The following CSMD1 variants were observed in gnomAD, a reference collection of about 807,000 sequenced individuals.
CSMD1 encodes the protein CUB and sushi domain-containing protein 1.
In CSMD1, 213 loss-of-function variants were observed where a neutral mutation model predicts 417.5. The observed-to-expected ratio is 0.51, with a 90% CI of 0.46 to 0.57. The LOEUF (loss-of-function observed/expected upper bound fraction) is 0.57. CSMD1 is among the 20% of genes least tolerant of loss of function. CSMD1 has a pLI of 0.00. For missense variants in CSMD1, 6,923 were observed against 4,529.7 expected (o/e 1.53, Z -15.17); for synonymous variants, 2,862 against 1,736.8 (o/e 1.65, Z -16.11).
At chr8:4,795,569 T>A (rs1797934214) in intron 1 of CSMD1, among the ~76,000 whole-genome samples, 1 of 152,088 alleles carries the variant, frequency 6.6e-6, no homozygotes. Flanking sequence ...GCCAGCTTTC[T>A]TAAGCTTTTT....
Position 4,679,905 on chromosome 8 carries a change from A to C in CSMD1, c.86-42347T>G, listed in dbSNP as rs1311955580. 4.6e-5 allele frequency among the ~76,000 whole-genome samples: 7 copies of C among 152,214 alleles called. No homozygotes were observed. The South Asian group carries it at 1.2e-3, about 27-fold the overall frequency. ...TAGAAATGCTCATTTAATTTTAAAA[A>C]TAGATTGCTGTTTCCCAAATTAATT... On this transcript the variant is annotated intron_variant, in intron 1 of 69. Coordinates refer to ENST00000635120, the MANE Select transcript of CSMD1 (RefSeq NM_033225.6).
chr8:4,294,136 C>G (rs1327561395), intron 3 of CSMD1, among the ~76,000 whole-genome samples: 5 of 152,298 alleles, frequency 3.3e-5, no homozygotes, highest in African/African-American at 9.6e-5. Context: ...ACACTGACGT[C>G]TGATTAACCC....
In CSMD1 at chr8:2,974,474, C is replaced by A; in HGVS notation, c.8717G>T (p.Ser2906Ile). Residue 2906 changes from serine to isoleucine, a missense_variant, in exon 56 of 70, where the codon AGC becomes ATC. Physicochemically the swap from Ser to Ile is moderately radical, Grantham distance 142. Transcript: ENST00000635120. ...ACCTGTGCAGTGGGGCAGTGCCCCG[C>A]TCCAGTGACTGTCTTCCTGGCACAC... ...TRVCQEDSHW[S>I]GALPHCTGNN... 1.9e-6 allele frequency: 3 copies of A among 1,611,390 alleles called. No homozygotes were observed. The highest frequency in any genetic ancestry group is 2.5e-6 in the Non-Finnish European group (3 of 1,178,022).
At chr8:3,555,277 T>G (rs889998852) in intron 10 of CSMD1, among the ~76,000 whole-genome samples, 1 of 152,034 alleles carries the variant, frequency 6.6e-6, no homozygotes, top group African/African-American at 2.4e-5. Flanking sequence ...GCCAATGGGA[T>G]GATTTAGGCA....
chr8:3,838,276 C>A (rs937348507), intron 5 of CSMD1, among the ~76,000 whole-genome samples: 4 of 151,968 alleles, frequency 2.6e-5, no homozygotes, highest in Non-Finnish European at 4.4e-5. Context: ...TGGCTCACAC[C>A]TGTAACCCCC....
At chr8:4,905,475 A>C (rs1487288418) in intron 1 of CSMD1, among the ~76,000 whole-genome samples, 1 of 152,154 alleles carries the variant, frequency 6.6e-6, no homozygotes, top group African/African-American at 2.4e-5. Context: ...GCATTCTAAA[A>C]CAGGACACAC....
intron 51 of CSMD1, among the ~76,000 whole-genome samples, chr8:3,021,262 T>C (rs927972088): frequency 1.3e-5 from 2 of 152,192 alleles, no homozygotes; most frequent in African/African-American, 4.8e-5. Context: ...TTTACTCAAT[T>C]GTAAAGAAGA....
At chr8:4,795,816 T>C (rs1797953472) in intron 1 of CSMD1, among the ~76,000 whole-genome samples, 1 of 152,138 alleles carries the variant, frequency 6.6e-6, no homozygotes, top group Non-Finnish European at 1.5e-5. Flanking sequence ...CTAAGTACTG[T>C]ACTGAGGCAG....
At chr8:3,087,618 A>G (rs1389106771) in intron 48 of CSMD1, among the ~76,000 whole-genome samples, 1 of 152,228 alleles carries the variant, frequency 6.6e-6, no homozygotes, top group East Asian at 1.9e-4. Flanking sequence ...CATAAAACAC[A>G]CTAACACTAA....
chr8:3,573,144 G>C (rs1030784662), intron 10 of CSMD1, among the ~76,000 whole-genome samples: 2 of 151,938 alleles, frequency 1.3e-5, no homozygotes, highest in South Asian at 2.1e-4. Context: ...ACCAGTATTA[G>C]CAGCTTATAA....
chr8:4,437,807 G>C (rs1798232122), intron 2 of CSMD1, among the ~76,000 whole-genome samples: 1 of 152,172 alleles, frequency 6.6e-6, no homozygotes, highest in African/African-American at 2.4e-5. Flanking sequence ...CATAGGCCGT[G>C]TTTGGTTGAT....
At chr8:3,461,614 C>A (rs1288659324) in intron 12 of CSMD1, among the ~76,000 whole-genome samples, 1 of 152,216 alleles carries the variant, frequency 6.6e-6, no homozygotes, top group African/African-American at 2.4e-5. Flanking sequence ...CCCCATGAAA[C>A]TGTAAGCTAT....
intron 26 of CSMD1, among the ~76,000 whole-genome samples, chr8:3,269,307 C>G (rs559376797): frequency 2.0e-5 from 3 of 152,176 alleles, no homozygotes; most frequent in Admixed American, 6.5e-5. Context: ...AGGAAGATGC[C>G]GAGAGCAGAG....
At chr8:3,973,828 T>C (rs6558831) in intron 5 of CSMD1, among the ~76,000 whole-genome samples, 49,989 of 152,016 alleles carry the variant, frequency 0.33, 9,017 homozygotes, top group African/African-American at 0.47. Flanking sequence ...ATGTGTTTAA[T>C]ATGTAGTTGC....
chr8:4,168,736 C>G (rs1208030148), intron 3 of CSMD1, among the ~76,000 whole-genome samples: 1 of 152,144 alleles, frequency 6.6e-6, no homozygotes, highest in Non-Finnish European at 1.5e-5. Context: ...TCTTAGACCT[C>G]ATTGGCTATT....
intron 1 of CSMD1, among the ~76,000 whole-genome samples, chr8:4,899,692 T>C (rs184128646): frequency 1.6e-4 from 25 of 152,310 alleles, no homozygotes; most frequent in Non-Finnish European, 2.9e-4. Context: ...CATTAAAATG[T>C]GTATAGTTAA....
chr8:4,010,705 C>T (rs1816476619), intron 4 of CSMD1, among the ~76,000 whole-genome samples: 1 of 152,150 alleles, frequency 6.6e-6, no homozygotes, highest in African/African-American at 2.4e-5. Flanking sequence ...ACTTTCTTTT[C>T]CTTGTCCCTA....
At chr8:4,468,086 A>C (rs1312676798) in intron 2 of CSMD1, among the ~76,000 whole-genome samples, 2 of 152,160 alleles carry the variant, frequency 1.3e-5, no homozygotes, top group East Asian at 3.9e-4. Flanking sequence ...ATTGATCTGC[A>C]CTGTTCTGAT....
chr8:4,441,174 C>A (rs1798455761), intron 2 of CSMD1, among the ~76,000 whole-genome samples: 1 of 121,614 alleles, frequency 8.2e-6, no homozygotes, highest in Non-Finnish European at 1.6e-5. Context: ...CCTTGGTTCA[C>A]TGCAGTCTCA....
Sources: gnomAD v4.1 joint callset for allele counts (sites outside exome capture counted in the v4.1 genomes callset) on GRCh38, gnomAD v4.1.1 for gene constraint, MANE v1.5 for transcripts, NCBI Gene and HGNC (gene_info 2026-07-23, HGNC 2026-07-21) for gene names.